RTN4: variants seen among roughly 807,000 people sequenced by gnomAD.
RTN4 encodes reticulon 4, also known as reticulon-4.
RTN4 carries 32 observed loss-of-function variants against 90.4 expected under a neutral mutation model. The ratio of observed to expected loss-of-function variants is 0.35; its 90% CI spans 0.27 to 0.48. The LOEUF (loss-of-function observed/expected upper bound fraction) is 0.48, where lower values mean the gene tolerates loss of function less well. Ranked by LOEUF, RTN4 falls within the 20% of genes least tolerant of loss-of-function variation. RTN4 has a pLI of 0.99. For missense variants in RTN4, 1,706 were observed against 1,430.2 expected, an observed-to-expected ratio of 1.19 and a Z score of -3.11; for synonymous variants, 629 against 552.5, an observed-to-expected ratio of 1.14 and a Z score of -1.94.
intron 1 of RTN4, chr2:55,112,490 A>C (rs967267018): frequency 6.6e-6 from 1 of 152,266 alleles, no homozygotes; most frequent in Non-Finnish European, 1.5e-5. Context: ...AAGCACGGCC[A>C]GAGGAAAGAA....
At chr2:54,979,580 T>C (rs552685724) in intron 5 of RTN4, among the ~76,000 whole-genome samples, 1 of 152,360 alleles carries the variant, frequency 6.6e-6, no homozygotes, top group South Asian at 2.1e-4. Context: ...GAATCTGTAC[T>C]ACTCATATAC....
At chr2:55,079,029 G>T (rs1668655129) in intron 2 of RTN4, among the ~76,000 whole-genome samples, 1 of 152,200 alleles carries the variant, frequency 6.6e-6, no homozygotes, top group Non-Finnish European at 1.5e-5. Flanking sequence ...TCCAGAAAAG[G>T]GGCCAGGAAG....
chr2:55,078,013 C>G (rs867317845), intron 2 of RTN4, among the ~76,000 whole-genome samples: 43 of 150,308 alleles, frequency 2.9e-4, no homozygotes, highest in African/African-American at 8.1e-4. Flanking sequence ...TTTGGGGACT[C>G]AGGGGATTCA....
chr2:55,028,059 C>G (rs996300493), intron 2 of RTN4, 105 bp downstream of exon 2: 32 of 917,196 alleles, frequency 3.5e-5, no homozygotes, highest in Middle Eastern at 2.3e-4. Context: ...ATTCTCGGAA[C>G]CATGCTAATT....
chr2:55,084,631 C>T (rs1188396315), intron 1 of RTN4, among the ~76,000 whole-genome samples: 3 of 152,148 alleles, frequency 2.0e-5, no homozygotes, highest in Admixed American at 2.0e-4. Flanking sequence ...TTGGGGCAGT[C>T]TCATGGGATT....
chr2:55,127,065 C>T, the RTN4 span, among the ~76,000 whole-genome samples: 1 of 152,070 alleles, frequency 6.6e-6, no homozygotes, highest in Admixed American at 6.6e-5. Context: ...GGGTACTGGG[C>T]TTAATACCTG....
chr2:55,133,772 G>A, the RTN4 span, among the ~76,000 whole-genome samples: 11 of 152,136 alleles, frequency 7.2e-5, no homozygotes, highest in African/African-American at 2.7e-4. Context: ...GGCTGATAAA[G>A]CCACTGCTTG....
At chr2:55,122,047 G>C in the RTN4 span, among the ~76,000 whole-genome samples, 2 of 151,776 alleles carry the variant, frequency 1.3e-5, no homozygotes, top group Non-Finnish European at 2.9e-5. Context: ...GCCCAGGCTG[G>C]AGTGCAGTGG....
intron 2 of RTN4, among the ~76,000 whole-genome samples, chr2:55,058,368 T>C (rs999143095): frequency 2.0e-5 from 3 of 152,204 alleles, no homozygotes; most frequent in African/African-American, 7.2e-5. Context: ...GGGTTTCTCT[T>C]CAGCCATGAA....
the RTN4 span, among the ~76,000 whole-genome samples, chr2:55,126,351 A>G: frequency 6.6e-6 from 1 of 152,032 alleles, no homozygotes; most frequent in Non-Finnish European, 1.5e-5. Context: ...CCTGGGAAAC[A>G]AGAGCAAAAC....
intron 3 of RTN4, among the ~76,000 whole-genome samples, chr2:55,000,428 T>C (rs944604553): frequency 2.0e-5 from 3 of 152,166 alleles, no homozygotes; most frequent in African/African-American, 7.2e-5. Flanking sequence ...TTTGGCGAAT[T>C]TGAACCACCA....
At chr2:55,003,306 A>G (rs1422590373) in intron 3 of RTN4, among the ~76,000 whole-genome samples, 3 of 152,202 alleles carry the variant, frequency 2.0e-5, no homozygotes, top group Non-Finnish European at 4.4e-5. Context: ...GTAATTTTTC[A>G]GTTTTTAAAT....
intron 2 of RTN4, chr2:55,056,446 G>C (rs1314249023): frequency 1.3e-5 from 2 of 152,160 alleles, no homozygotes; most frequent in African/African-American, 4.8e-5. Context: ...GAAAAGGTGA[G>C]CCGGCTGTGG....
At chr2:55,010,289 T>C in intron 3 of RTN4, 4 of 1,462,784 alleles carry the variant, frequency 2.7e-6, no homozygotes, top group Non-Finnish European at 3.6e-6. Context: ...ACCTGACGTC[T>C]TCTGGGTGTG....
At chr2:54,997,128 G>T (rs1405937783) in intron 3 of RTN4, among the ~76,000 whole-genome samples, 1 of 152,130 alleles carries the variant, frequency 6.6e-6, no homozygotes, top group African/African-American at 2.4e-5. Flanking sequence ...TCTCTGATAA[G>T]AGACTTGTAC....
upstream of RTN4, among the ~76,000 whole-genome samples, chr2:55,051,931 C>T (rs906460924): frequency 3.9e-5 from 6 of 152,106 alleles, no homozygotes; most frequent in East Asian, 7.7e-4. Flanking sequence ...TTCTTTTGGA[C>T]AGTGCTAGTC....
intron 1 of RTN4, among the ~76,000 whole-genome samples, chr2:55,083,526 A>G (rs1184417412): frequency 6.6e-6 from 1 of 152,186 alleles, no homozygotes; most frequent in Admixed American, 6.5e-5. Flanking sequence ...CCAGGATGTG[A>G]ATTCATATAC....
At chr2:55,037,162 G>A (rs1682747778) in intron 1 of RTN4, among the ~76,000 whole-genome samples, 1 of 152,026 alleles carries the variant, frequency 6.6e-6, no homozygotes, top group African/African-American at 2.4e-5. Context: ...AAAATATTTA[G>A]GCATAAATTT....
intron 3 of RTN4, among the ~76,000 whole-genome samples, chr2:55,016,476 G>A (rs1268253510): frequency 5.3e-5 from 8 of 151,958 alleles, no homozygotes; most frequent in East Asian, 1.9e-4. Flanking sequence ...CCAGCTACTC[G>A]GGAGGCTGAG....
Sources: gnomAD v4.1 joint callset for allele counts (sites outside exome capture counted in the v4.1 genomes callset) on GRCh38, gnomAD v4.1.1 for gene constraint, MANE v1.5 for transcripts, NCBI Gene and HGNC (gene_info 2026-07-23, HGNC 2026-07-21) for gene names.